The following EPB41L3 variants were observed in gnomAD, a reference collection of about 807,000 sequenced individuals.
EPB41L3 encodes band 4.1-like protein 3.
In EPB41L3, 57 loss-of-function variants were observed where a neutral mutation model predicts 127.1. That is an observed-to-expected ratio of 0.45 (90% confidence interval 0.36 to 0.56). EPB41L3 has a LOEUF of 0.56. EPB41L3 is among the 20% of genes least tolerant of loss of function. EPB41L3 has a pLI of 0.00. For missense variants in EPB41L3, 1,273 were observed against 1,372.2 expected (o/e 0.93, Z 1.14); for synonymous variants, 572 against 549.5 (o/e 1.04, Z -0.57).
At chr18:5,394,966 T>C in intron 21 of EPB41L3, 101 bp downstream of exon 21, 1 of 1,302,640 alleles carries the variant, frequency 7.7e-7, no homozygotes, top group Middle Eastern at 1.9e-4. Flanking sequence ...GGAATTTTCT[T>C]CGGAATACAT....
At chr18:5,399,861 ATTTC>A (rs1164741976) in intron 16 of EPB41L3, 1 of 152,392 alleles carries the variant, frequency 6.6e-6, no homozygotes, top group Non-Finnish European at 1.5e-5. Flanking sequence ...TGTAAATTGT[ATTTC>A]TTTATACAGG....
chr18:5,407,881 C>A (rs2075670904), intron 14 of EPB41L3, 145 bp from the exon 15 acceptor site: 2 of 704,958 alleles, frequency 2.8e-6, no homozygotes, highest in East Asian at 2.6e-5. Flanking sequence ...ATACACAAAC[C>A]ACAACATTCT....
chr18:5,516,940 A>G (rs368529635), intron 1 of EPB41L3, among the ~76,000 whole-genome samples: 16 of 152,338 alleles, frequency 1.1e-4, no homozygotes, highest in African/African-American at 3.8e-4. Context: ...TAAGTTTCAA[A>G]GATTGTCTAT....
At chr18:5,572,408 T>C (rs1239724373) in intron 3 of EPB41L3, among the ~76,000 whole-genome samples, 1 of 152,178 alleles carries the variant, frequency 6.6e-6, no homozygotes, top group East Asian at 1.9e-4. Flanking sequence ...GTCAACTATT[T>C]ATGCTACTGG....
At chr18:5,489,324 A>T in intron 1 of EPB41L3, 130 bp from the exon 2 acceptor site, 1 of 1,047,914 alleles carries the variant, frequency 9.5e-7, no homozygotes, top group Non-Finnish European at 1.3e-6. Context: ...ACCCCATCCT[A>T]TTCCACACAC....
At chr18:5,481,400 G>T (rs939143838) in intron 2 of EPB41L3, among the ~76,000 whole-genome samples, 1 of 152,120 alleles carries the variant, frequency 6.6e-6, no homozygotes, top group East Asian at 1.9e-4. Context: ...TAGTCATGAT[G>T]CCCCTCCCCT....
chr18:5,503,314 T>C (rs2091897770), intron 1 of EPB41L3, among the ~76,000 whole-genome samples: 1 of 152,030 alleles, frequency 6.6e-6, no homozygotes, highest in African/African-American at 2.4e-5. Flanking sequence ...ATGGAGCAAA[T>C]CAGTGAAGAA....
intron 1 of EPB41L3, among the ~76,000 whole-genome samples, chr18:5,523,995 A>G (rs1259936817): frequency 6.6e-6 from 1 of 152,102 alleles, no homozygotes; most frequent in Non-Finnish European, 1.5e-5. Context: ...ATACATATAT[A>G]TGTGTGTGTA....
intron 3 of EPB41L3, among the ~76,000 whole-genome samples, chr18:5,586,380 C>T (rs1391540123): frequency 6.8e-6 from 1 of 147,298 alleles, no homozygotes; most frequent in Admixed American, 7.0e-5. Flanking sequence ...ATGTATTATA[C>T]TGTGATTTTC....
chr18:5,451,558 T>C (rs375913332), intron 3 of EPB41L3, among the ~76,000 whole-genome samples: 1 of 152,208 alleles, frequency 6.6e-6, no homozygotes, highest in African/African-American at 2.4e-5. Context: ...TCACTTCATA[T>C]CCCTGACCGT....
At chr18:5,583,352 G>T (rs1476844430) in intron 3 of EPB41L3, among the ~76,000 whole-genome samples, 2 of 152,190 alleles carry the variant, frequency 1.3e-5, no homozygotes, top group Non-Finnish European at 2.9e-5. Context: ...TTTAATCCAT[G>T]TCTACCTAAT....
intron 1 of EPB41L3, among the ~76,000 whole-genome samples, chr18:5,542,352 A>G (rs2149069928): frequency 6.7e-6 from 1 of 150,282 alleles, no homozygotes; most frequent in South Asian, 2.1e-4. Context: ...TAAATTTCAA[A>G]AACAATGTTT....
rs576803103 is a variant in EPB41L3, at chr18:5,530,537, C to A, written c.-12+13376G>T. On this transcript the variant is annotated intron_variant, in intron 1 of 22. Transcript: ENST00000341928. ...CCCTGAACTCTGACCCCAGCTGCCC[C>A]TAAGACTCATCTCTCCCACTGCCCT... Among the ~76,000 whole-genome samples, 7 of 152,272 alleles carry A rather than the reference C, an allele frequency of 4.6e-5. No homozygotes were observed. The South Asian group carries it at 1.0e-3, about 23-fold the overall frequency.
intron 22 of EPB41L3, 194 bp downstream of exon 22, chr18:5,394,483 C>T (rs1232761500): frequency 1.7e-5 from 9 of 534,454 alleles, no homozygotes; most frequent in Non-Finnish European, 2.3e-5. Context: ...GCAGTGCATG[C>T]AAAAACTCCA....
At chr18:5,630,215 C>T (rs1040090124), upstream of EPB41L3, among the ~76,000 whole-genome samples, 1 of 152,212 alleles carries the variant, frequency 6.6e-6, no homozygotes, top group Non-Finnish European at 1.5e-5. Context: ...TCCGGGCGGA[C>T]CCGGCCAGGC....
chr18:5,552,867 T>C (rs2093984867), intron 3 of EPB41L3, among the ~76,000 whole-genome samples: 1 of 152,200 alleles, frequency 6.6e-6, no homozygotes, highest in South Asian at 2.1e-4. Flanking sequence ...CAAGCTCGGG[T>C]AGTCTGACTT....
intron 3 of EPB41L3, among the ~76,000 whole-genome samples, chr18:5,474,014 G>A (rs764448639): frequency 6.6e-6 from 1 of 152,060 alleles, no homozygotes; most frequent in Non-Finnish European, 1.5e-5. Flanking sequence ...GGTGGATCAC[G>A]AGGTCAGGAG....
intron 3 of EPB41L3, among the ~76,000 whole-genome samples, chr18:5,553,023 A>G (rs1313545681): frequency 1.3e-5 from 2 of 152,226 alleles, no homozygotes; most frequent in Admixed American, 1.3e-4. Context: ...TACTCCAATG[A>G]GAACACATTG....
At chr18:5,625,178 G>A (rs1030308254) in intron 1 of EPB41L3, among the ~76,000 whole-genome samples, 1 of 152,070 alleles carries the variant, frequency 6.6e-6, no homozygotes, top group Non-Finnish European at 1.5e-5. Context: ...GAGGTTTGCA[G>A]CAGGGAGTGA....
Sources: allele counts gnomAD v4.1 joint callset (sites outside exome capture counted in the v4.1 genomes callset), GRCh38; gene constraint gnomAD v4.1.1; transcripts MANE v1.5; gene names NCBI Gene and HGNC (gene_info 2026-07-23, HGNC 2026-07-21).